Variants in CLPTM1L observed in about 807,000 individuals in gnomAD.
CLPTM1L encodes the protein CLPTM1 like.
A neutral mutation model predicts 70.9 loss-of-function variants in CLPTM1L; 38 were observed. That is an observed-to-expected ratio of 0.54 (90% confidence interval 0.41 to 0.70). The LOEUF (loss-of-function observed/expected upper bound fraction) is 0.70. CLPTM1L is among the 30% of genes least tolerant of loss of function. The probability of loss-of-function intolerance (pLI) is 0.00; values close to 1 mark genes in which losing one functional copy is unlikely to be tolerated. For synonymous variants in CLPTM1L, 339 were observed against 299.9 expected (o/e 1.13, Z -1.35); for missense variants, 652 against 705.9 (o/e 0.92, Z 0.87).
chr5:1,321,694 A>G lies in CLPTM1L; in HGVS notation c.1372-15T>C. On this transcript the variant is annotated splice_polypyrimidine_tract_variant and intron_variant, in intron 14 of 16. Coordinates refer to ENST00000320895, the MANE Select transcript of CLPTM1L (RefSeq NM_030782.5). ...ACTGACTTCAACTGAAACAGGAGAG[A>G]CAGGCCCAGGTCAGCTGTGGGCAGC... 6.2e-7 allele frequency: 1 copy of G among 1,614,004 alleles called. No homozygotes were observed. Among genetic ancestry groups the G allele is most frequent in the South Asian group, 1.1e-5 (1 of 91,090 alleles).
chr5:1,328,854 T>C (rs1380524454), intron 9 of CLPTM1L, among the ~76,000 whole-genome samples: 3 of 149,842 alleles, frequency 2.0e-5, no homozygotes, highest in South Asian at 4.3e-4. Flanking sequence ...TACAGACACA[T>C]TTCATCCAGC....
chr5:1,344,487 A>C (rs776738480), intron 1 of CLPTM1L, 36 bp from the exon 2 acceptor site: 1 of 1,574,362 alleles, frequency 6.4e-7, no homozygotes, highest in Non-Finnish European at 8.7e-7. Context: ...CAGCTCGGCC[A>C]GGCCCTGGCA....
At position 1,335,090 on chromosome 5, in the gene CLPTM1L, T is replaced by A; in HGVS notation, c.763A>T (p.Met255Leu). The change falls in exon 6 of 17, where the codon ATG becomes TTG. Residue 255 changes from methionine (M) to leucine (L), a missense_variant. By Grantham distance (15) the Met-to-Leu change is conservative. Coordinates refer to ENST00000320895, the MANE Select transcript of CLPTM1L (RefSeq NM_030782.5). Reference protein sequence around the residue: ...SLGRLRFWIHMQDAVYSLQQF... With the variant: ...SLGRLRFWIHLQDAVYSLQQF... Reference sequence around the variant, plus strand: ...TGCAGGGAGTACACGGCGTCCTGCATGTGGATCCAGAAGCGCAGCCGCCCC... The same window carrying A: ...TGCAGGGAGTACACGGCGTCCTGCAAGTGGATCCAGAAGCGCAGCCGCCCC... The A allele has an allele frequency of 1.2e-6, 2 of 1,613,478 alleles. No individual in the cohort carries two copies. The highest frequency in any genetic ancestry group is 1.7e-6 in the Non-Finnish European group (2 of 1,179,972).
intron 7 of CLPTM1L, among the ~76,000 whole-genome samples, chr5:1,333,670 TAAG>T (rs1753332622): frequency 1.2e-5 from 1 of 86,670 alleles, no homozygotes; most frequent in African/African-American, 4.8e-5. Context: ...CGGCTGAGGA[TAAG>T]GGGGGACTAC....
rs554800034 is a variant in CLPTM1L at position 1,343,690 on chromosome 5, AC to A, written c.263+660del. Among the ~76,000 whole-genome samples, 9 of 152,230 alleles carry A rather than the reference AC, an allele frequency of 5.9e-5. No homozygotes were observed. In the South Asian group the frequency reaches 1.9e-3, roughly 32 times the overall value. On this transcript the variant is annotated intron_variant, in intron 2 of 16. Coordinates refer to ENST00000320895, the MANE Select transcript of CLPTM1L (RefSeq NM_030782.5). ...AACCGGCTTGCCAGCGCCTCCAGCT[AC>A]CCCCAGGGACTGGCTGCCTAGAGGG...
intron 12 of CLPTM1L, among the ~76,000 whole-genome samples, 188 bp from the exon 13 acceptor site, chr5:1,323,099 G>T (rs1752256826): frequency 6.6e-6 from 1 of 151,870 alleles, no homozygotes; most frequent in Non-Finnish European, 1.5e-5. Context: ...AGCACCCCCG[G>T]CCGGGCAGCA....
Position 1,331,829 on chromosome 5 carries a change from T to G in CLPTM1L, c.946A>C (p.Lys316Gln), listed in dbSNP as rs1214399388. Reference protein sequence around the residue: ...KNDISFWKKKKSMIGMSTKAV... With the variant: ...KNDISFWKKKQSMIGMSTKAV... ...TTGGTGGACATGCCGATCATGCTCT[T>G]CTTCTTCTTCCAGAAACTGATGTCA... The change falls in exon 8 of 17, where the codon AAG becomes CAG. Residue 316 changes from lysine to glutamine, a missense_variant. Lys to Gln is a moderately conservative substitution (Grantham distance 53). Around this residue, in one of 3 missense-constraint regions of CLPTM1L, gnomAD observed 240 missense variants for 295.0 expected, o/e 0.81. Coordinates refer to ENST00000320895, the MANE Select transcript of CLPTM1L (RefSeq NM_030782.5). The G allele has an allele frequency of 6.2e-7, 1 of 1,613,414 alleles. No individual in the cohort carries two copies. Among genetic ancestry groups the G allele is most frequent in the African/African-American group, 1.3e-5 (1 of 75,038 alleles).
intron 3 of CLPTM1L, among the ~76,000 whole-genome samples, chr5:1,339,819 T>C (rs1178811641): frequency 9.8e-6 from 1 of 102,392 alleles, no homozygotes; most frequent in Non-Finnish European, 2.0e-5. Context: ...ACGGGCAAAC[T>C]GTGCTCGGGA....
chr5:1,342,010 G>T lies in CLPTM1L; in HGVS notation c.264-150C>A. The stretch of plus-strand genomic sequence containing the variant: ...CCACCTGCCCAGGGCTTTACGAGTC[G>T]TGTGTGTGTGTGTGTGTGTGTGTGT... On this transcript the variant is annotated intron_variant, in intron 2 of 16. Transcript: ENST00000320895. This position sits in a 1 kb window ranked among gnomAD's most constrained non-coding sequence, Gnocchi z 4.3. 3.7e-6 allele frequency: 1 copy of T among 270,680 alleles called. No homozygotes were observed. The highest frequency in any genetic ancestry group is 6.3e-6 in the Non-Finnish European group (1 of 159,890). 16.8% of individuals were successfully genotyped at this position (270,680 alleles called of 1,614,324 possible).
Position 1,327,143 on chromosome 5 carries a change from TCATCCAGCTCCTCCTCTACAGGCACATTC to T in CLPTM1L, c.1081-1356_1081-1328del, listed in dbSNP as rs1561234798. On this transcript the variant is annotated intron_variant, in intron 9 of 16. Transcript: ENST00000320895. ...CCAGCTCCTCCTCTACAGACACATT[TCATCCAGCTCCTCCTCTACAGGCACATTC>T]CATCCAGCTCCTCCTCTACAGACAC... Among the ~76,000 whole-genome samples, 50 of 103,576 alleles carry T rather than the reference TCATCCAGCTCCTCCTCTACAGGCACATTC, an allele frequency of 4.8e-4. 3 individuals carry two copies. In the East Asian group the frequency reaches 0.014, roughly 29 times the overall value. The allele number at this position is 103,576 out of a possible 152,430, so 67.9% of individuals were successfully genotyped here.
Position 1,318,452 on chromosome 5 carries a change from G to C in CLPTM1L, c.1534C>G (p.Leu512Val). 1.2e-6 allele frequency: 2 copies of C among 1,612,692 alleles called. No homozygotes were observed. Among genetic ancestry groups the C allele is most frequent in the Non-Finnish European group, 1.7e-6 (2 of 1,179,012 alleles). Reference protein sequence around the residue: ...VFLVYLYQRWLYPVDKRRVNE... With the variant: ...VFLVYLYQRWVYPVDKRRVNE... The stretch of plus-strand genomic sequence containing the variant: ...ACTCTGCGTTTATCCACAGGATAAA[G>C]CCTGCAATGACACAAATGAGCACAT... The change falls in exon 17 of 17, where the codon CTT (leucine) becomes GTT (valine). Residue 512 changes from leucine to valine, a missense_variant and splice_region_variant. Coordinates refer to ENST00000320895, the MANE Select transcript of CLPTM1L (RefSeq NM_030782.5). This position sits in a 1 kb window ranked among gnomAD's most constrained non-coding sequence, Gnocchi z 8.9.
intron 5 of CLPTM1L, among the ~76,000 whole-genome samples, chr5:1,336,629 T>C (rs1324577905): frequency 6.6e-6 from 1 of 152,202 alleles, no homozygotes; most frequent in East Asian, 1.9e-4. Flanking sequence ...CTGAGGTTTG[T>C]CAGCAGCACA....
chr5:1,320,760 C>T lies in CLPTM1L; in HGVS notation c.1417-29G>A, dbSNP rs1752104757. On this transcript the variant is annotated intron_variant, in intron 15 of 16. Coordinates refer to ENST00000320895, the MANE Select transcript of CLPTM1L (RefSeq NM_030782.5). ...CAGGGCCAGACGGGAGGAGGGTGAA[C>T]CCCAGTTGCTGGGGCTGGAATCCTA... The T allele has an allele frequency of 3.7e-6, 5 of 1,338,050 alleles. No homozygotes were observed. In the South Asian group the frequency reaches 5.3e-5, roughly 14 times the overall value. 82.9% of individuals were successfully genotyped at this position (1,338,050 alleles called of 1,614,324 possible). A position where few individuals can be genotyped will look rare whatever the true frequency, so the allele number is the denominator to read the frequency against.
intron 12 of CLPTM1L, 112 bp from the exon 13 acceptor site, chr5:1,323,023 C>A (rs550393273): frequency 1.9e-6 from 2 of 1,052,094 alleles, no homozygotes; most frequent in East Asian, 2.5e-5. Flanking sequence ...CCCAGATGCT[C>A]TCACGGCAGC....
At chr5:1,339,949 C>T (rs1004397765) in intron 3 of CLPTM1L, among the ~76,000 whole-genome samples, 12 of 151,368 alleles carry the variant, frequency 7.9e-5, no homozygotes, top group African/African-American at 1.9e-4. Context: ...GGAAAAACCG[C>T]GCCCGGACAG....
rs200672513 is a variant in CLPTM1L at position 1,325,727 on chromosome 5, T to A, written c.1146+24A>T. 2.6e-5 allele frequency: 42 copies of A among 1,602,796 alleles called. No individual in the cohort carries two copies. In the East Asian group the frequency reaches 9.1e-4, roughly 35 times the overall value. ...CACACTCTTCAGAGAGGCTTGGGGTTCAGCCATTACAACTAAATCCTACCT... is the reference window on the plus strand; with the variant it reads ...CACACTCTTCAGAGAGGCTTGGGGTACAGCCATTACAACTAAATCCTACCT... On this transcript the variant is annotated intron_variant, in intron 10 of 16. Transcript: ENST00000320895.
intron 1 of CLPTM1L, 106 bp downstream of exon 1, chr5:1,344,574 A>C (rs572922113): frequency 6.6e-5 from 97 of 1,459,150 alleles, no homozygotes; most frequent in Middle Eastern, 2.0e-4. Flanking sequence ...TTCCATCTCG[A>C]CTCGCGCGGC....
chr5:1,318,387 C>T lies in CLPTM1L; in HGVS notation c.1599G>A (p.Arg533=). ...GCGGCCTTCAGTCCGTGTGGGGCGC[C>T]CGCGTGGCCTTCTCCTCGTAGGACT... ...FGESYEEKAT[R]APHTD The change falls in exon 17 of 17, where the codon CGG becomes CGA. Residue 533 remains arginine (R), a synonymous_variant. Transcript: ENST00000320895. The surrounding 1 kb of genome is among the most constrained non-coding windows in gnomAD (Gnocchi z 8.9). 1.2e-6 allele frequency: 2 copies of T among 1,613,718 alleles called. No individual in the cohort carries two copies. Among genetic ancestry groups the T allele is most frequent in the Admixed American group, 3.3e-5 (2 of 60,030 alleles).
At chr5:1,330,201 G>A (rs1752991453) in intron 9 of CLPTM1L, 79 bp downstream of exon 9, 12 of 1,186,726 alleles carry the variant, frequency 1.0e-5, no homozygotes, top group Admixed American at 1.8e-5. Context: ...AAGGTCTCAG[G>A]TCCCGGGGCT....
Sources: gnomAD v4.1 joint callset for allele counts (sites outside exome capture counted in the v4.1 genomes callset) on GRCh38, gnomAD v4.1.1 for gene constraint, gnomAD v4.1.1 regional missense constraint, Gnocchi (gnomAD v3.1) non-coding constraint, MANE v1.5 for transcripts, NCBI Gene and HGNC (gene_info 2026-07-23, HGNC 2026-07-21) for gene names.